STPG2: variants seen among roughly 807,000 people sequenced by gnomAD.
The protein encoded by STPG2 is sperm-tail PG-rich repeat-containing protein 2.
Under a neutral mutation model 54.2 loss-of-function variants are expected in STPG2, and 56 were observed. The observed-to-expected ratio is 1.03, with a 90% CI of 0.83 to 1.29. The LOEUF is 1.29. STPG2 is among the 50% of genes most tolerant of loss of function. The probability of loss-of-function intolerance (pLI) is 0.00; values close to 1 mark genes in which losing one functional copy is unlikely to be tolerated. For synonymous variants in STPG2, 200 were observed against 181.8 expected, an observed-to-expected ratio of 1.10 and a Z score of -0.81; for missense variants, 596 against 544.9, an observed-to-expected ratio of 1.09 and a Z score of -0.93.
intron 9 of STPG2, among the ~76,000 whole-genome samples, chr4:97,763,313 C>A (rs1013126644): frequency 6.6e-6 from 1 of 152,084 alleles, no homozygotes; most frequent in African/African-American, 2.4e-5. Flanking sequence ...GCTGCCCTAA[C>A]CTTGCACCTT....
chr4:98,106,552 A>C (rs1297225391), intron 4 of STPG2, among the ~76,000 whole-genome samples: 1 of 152,176 alleles, frequency 6.6e-6, no homozygotes, highest in Admixed American at 6.6e-5. Context: ...AAACTAAATA[A>C]GCAGTGAGCA....
At chr4:97,702,704 G>C (rs545702400) in intron 10 of STPG2, among the ~76,000 whole-genome samples, 1 of 152,182 alleles carries the variant, frequency 6.6e-6, no homozygotes, top group African/African-American at 2.4e-5. Flanking sequence ...TGGCAAAAAA[G>C]CTTCACCAGA....
intron 10 of STPG2, among the ~76,000 whole-genome samples, chr4:97,578,102 C>CTT (rs10571752): frequency 2.6e-5 from 3 of 115,954 alleles, no homozygotes; most frequent in Non-Finnish European, 5.3e-5. Flanking sequence ...TTCTTTCTTT[C>CTT]TTTTTTTTTT....
intron 9 of STPG2, among the ~76,000 whole-genome samples, chr4:97,732,596 C>G (rs1258809216): frequency 3.3e-5 from 5 of 151,822 alleles, no homozygotes; most frequent in Non-Finnish European, 7.4e-5. Flanking sequence ...AGCTTCTGCA[C>G]AGAAAAAAGA....
intron 5 of STPG2, among the ~76,000 whole-genome samples, chr4:98,082,404 T>C (rs1738373843): frequency 7.1e-6 from 1 of 141,682 alleles, no homozygotes; most frequent in African/African-American, 2.6e-5. Flanking sequence ...TGGTCGCTTT[T>C]CTTCCCATCT....
chr4:97,697,749 G>A (rs1228196262), intron 10 of STPG2, among the ~76,000 whole-genome samples: 4 of 152,088 alleles, frequency 2.6e-5, no homozygotes, highest in African/African-American at 9.7e-5. Context: ...ACCGAAATGA[G>A]GGCAAGTAAC....
intron 9 of STPG2, among the ~76,000 whole-genome samples, chr4:97,742,581 A>T (rs1725293770): frequency 7.3e-6 from 1 of 136,808 alleles, no homozygotes; most frequent in African/African-American, 2.6e-5. Context: ...ATATATATGG[A>T]ATACTATCAG....
At chr4:98,137,654 C>G (rs965259401) in intron 1 of STPG2, among the ~76,000 whole-genome samples, 1 of 151,648 alleles carries the variant, frequency 6.6e-6, no homozygotes, top group Non-Finnish European at 1.5e-5. Flanking sequence ...TAGTTGGCAT[C>G]AGAACACAGC....
At chr4:98,070,850 G>A (rs1737981896) in intron 5 of STPG2, among the ~76,000 whole-genome samples, 1 of 151,988 alleles carries the variant, frequency 6.6e-6, no homozygotes, top group Admixed American at 6.6e-5. Flanking sequence ...CACTGCTTAA[G>A]GAAATCAGAT....
intron 10 of STPG2, among the ~76,000 whole-genome samples, chr4:97,711,923 C>CT (rs1724137718): frequency 6.6e-6 from 1 of 152,034 alleles, no homozygotes. Context: ...CCCGCCTCAG[C>CT]TTCCCAAAGT....
At chr4:97,781,695 C>A (rs1342630032) in intron 9 of STPG2, among the ~76,000 whole-genome samples, 1 of 152,138 alleles carries the variant, frequency 6.6e-6, no homozygotes, top group Non-Finnish European at 1.5e-5. Context: ...AAAATACTGG[C>A]AAACCAAATC....
chr4:97,898,006 A>G (rs1466093185), intron 8 of STPG2, among the ~76,000 whole-genome samples: 1 of 152,152 alleles, frequency 6.6e-6, no homozygotes, highest in Non-Finnish European at 1.5e-5. Flanking sequence ...AGTATTGTCC[A>G]GGTTGTCTTC....
intron 10 of STPG2, among the ~76,000 whole-genome samples, chr4:97,667,927 T>C (rs1722577453): frequency 1.3e-5 from 2 of 152,182 alleles, no homozygotes; most frequent in Admixed American, 6.5e-5. Context: ...AGAAAAAAGT[T>C]AAAATAATCT....
chr4:97,546,758 T>C (rs888112280), intron 4 of STPG2, among the ~76,000 whole-genome samples: 3 of 152,180 alleles, frequency 2.0e-5, no homozygotes, highest in Non-Finnish European at 4.4e-5. Flanking sequence ...AATCAAGATA[T>C]GATAATCACT....
At chr4:97,912,159 C>G (rs982028047) in intron 8 of STPG2, among the ~76,000 whole-genome samples, 2 of 151,946 alleles carry the variant, frequency 1.3e-5, no homozygotes, top group Non-Finnish European at 2.9e-5. Context: ...AAAAAACATT[C>G]AAAGATCAGC....
chr4:98,114,757 T>TGTG (rs1178063641), intron 3 of STPG2, among the ~76,000 whole-genome samples: 6 of 20,522 alleles, frequency 2.9e-4, no homozygotes, highest in South Asian at 2.5e-3. Context: ...ATATCCATTT[T>TGTG]TTTTTTTTTG....
At chr4:97,801,418 C>T (rs971970904) in intron 9 of STPG2, among the ~76,000 whole-genome samples, 1 of 152,174 alleles carries the variant, frequency 6.6e-6, no homozygotes, top group Non-Finnish European at 1.5e-5. Flanking sequence ...TACATCCCTT[C>T]ATCAACCCTA....
chr4:97,783,588 G>A (rs1251898121), intron 9 of STPG2, among the ~76,000 whole-genome samples: 1 of 152,136 alleles, frequency 6.6e-6, no homozygotes, highest in Non-Finnish European at 1.5e-5. Context: ...TATACCCAAA[G>A]GATTATAAAT....
intron 9 of STPG2, among the ~76,000 whole-genome samples, chr4:97,713,154 T>C (rs1724185502): frequency 6.6e-6 from 1 of 152,166 alleles, no homozygotes; most frequent in African/African-American, 2.4e-5. Flanking sequence ...AGTTAGGGCT[T>C]GAGCTGCACT....
Sources: gnomAD v4.1 joint callset for allele counts (sites outside exome capture counted in the v4.1 genomes callset) on GRCh38, gnomAD v4.1.1 for gene constraint, MANE v1.5 for transcripts, NCBI Gene and HGNC (gene_info 2026-07-23, HGNC 2026-07-21) for gene names.